Variants in CAMKMT observed in about 807,000 individuals in gnomAD.
CAMKMT encodes CaM KMT.
Under a neutral mutation model 48.0 loss-of-function variants are expected in CAMKMT, and 53 were observed. The observed-to-expected ratio is 1.10, with a 90% CI of 0.89 to 1.39. The LOEUF (loss-of-function observed/expected upper bound fraction) is 1.39, where lower values mean the gene tolerates loss of function less well. Ranked by LOEUF, CAMKMT falls within the 40% of genes most tolerant of loss-of-function variation. The pLI is 0.00. For synonymous variants in CAMKMT, 165 were observed against 152.3 expected (o/e 1.08, Z -0.61); for missense variants, 428 against 402.7 (o/e 1.06, Z -0.54).
chr2:44,451,087 C>A (rs1667263034), intron 3 of CAMKMT, among the ~76,000 whole-genome samples: 1 of 152,062 alleles, frequency 6.6e-6, no homozygotes, highest in Non-Finnish European at 1.5e-5. Flanking sequence ...AATTTTAAAT[C>A]TAATTTCCCA....
At chr2:44,412,183 C>T (rs1056967454) in intron 3 of CAMKMT, among the ~76,000 whole-genome samples, 12 of 152,016 alleles carry the variant, frequency 7.9e-5, no homozygotes, top group African/African-American at 2.7e-4. Context: ...AGTGATAACC[C>T]ACAAAGAGTC....
intron 3 of CAMKMT, among the ~76,000 whole-genome samples, chr2:44,474,112 C>A (rs1057488648): frequency 3.3e-5 from 5 of 152,088 alleles, no homozygotes; most frequent in African/African-American, 4.8e-5. Flanking sequence ...CACAGTTCTT[C>A]TTTGGAATTG....
At chr2:44,601,100 T>G (rs56736981) in intron 3 of CAMKMT, among the ~76,000 whole-genome samples, 6,796 of 152,196 alleles carry the variant, frequency 0.045, 201 homozygotes, top group Non-Finnish European at 0.064. Flanking sequence ...ATAACCAATA[T>G]CAGTTAAAAA....
chr2:44,703,310 T>C (rs1215220933), intron 3 of CAMKMT, among the ~76,000 whole-genome samples: 1 of 152,172 alleles, frequency 6.6e-6, no homozygotes, highest in Non-Finnish European at 1.5e-5. Context: ...GCAATTCATA[T>C]CCATTCATGA....
At position 44,366,445 on chromosome 2, in the gene CAMKMT, T is replaced by A. The variant is rs112131017; in HGVS notation, c.138+4300T>A. ...CTTGACTTTGTTTTATATGCTTACT[T>A]TTGCTTTCTCTTTTTCTTCATAAAT... is the stretch of plus-strand genomic sequence containing the variant. On this transcript the variant is annotated intron_variant, in intron 1 of 10. Transcript: ENST00000378494. 3.2e-3 allele frequency among the ~76,000 whole-genome samples: 490 copies of A among 152,318 alleles called. 2 individuals are homozygous for A. The highest frequency in any genetic ancestry group is 0.027 in the Middle Eastern group (8 of 294).
intron 1 of CAMKMT, among the ~76,000 whole-genome samples, chr2:44,371,827 C>G (rs1393973676): frequency 6.6e-6 from 1 of 152,072 alleles, no homozygotes; most frequent in African/African-American, 2.4e-5. Flanking sequence ...CATGAAATAT[C>G]TGATCAGTTT....
chr2:44,725,613 C>T (rs575141718), intron 7 of CAMKMT, among the ~76,000 whole-genome samples: 7 of 152,080 alleles, frequency 4.6e-5, no homozygotes, highest in East Asian at 3.9e-4. Flanking sequence ...TTAAAGATAA[C>T]GAAAGGAAAG....
intron 3 of CAMKMT, among the ~76,000 whole-genome samples, chr2:44,462,226 A>G (rs1179121012): frequency 6.6e-6 from 1 of 152,224 alleles, no homozygotes; most frequent in Non-Finnish European, 1.5e-5. Flanking sequence ...GAAAAGGGTA[A>G]TAAAGTAAAA....
intron 3 of CAMKMT, among the ~76,000 whole-genome samples, chr2:44,663,323 TTGG>T (rs1373856664): frequency 6.6e-6 from 1 of 152,202 alleles, no homozygotes. Flanking sequence ...CCTTCAAAAA[TTGG>T]ATAGTAGCTG....
chr2:44,526,832 A>G (rs562052375), intron 3 of CAMKMT, among the ~76,000 whole-genome samples: 40 of 152,270 alleles, frequency 2.6e-4, no homozygotes, highest in African/African-American at 9.4e-4. Context: ...AAAATTAACT[A>G]TTACAAAAGC....
chr2:44,661,138 C>T (rs899328103), intron 3 of CAMKMT, among the ~76,000 whole-genome samples: 4 of 151,964 alleles, frequency 2.6e-5, no homozygotes, highest in Admixed American at 2.0e-4. Flanking sequence ...TAGAACAAAT[C>T]GATTTCTCTT....
chr2:44,669,216 G>C (rs1170196299), intron 3 of CAMKMT, among the ~76,000 whole-genome samples: 3 of 152,074 alleles, frequency 2.0e-5, no homozygotes, highest in African/African-American at 7.2e-5. Context: ...TCTGTGAATT[G>C]CTTATGTTGC....
chr2:44,729,108 T>C (rs1678950166), intron 7 of CAMKMT, among the ~76,000 whole-genome samples: 2 of 151,664 alleles, frequency 1.3e-5, no homozygotes, highest in Non-Finnish European at 2.9e-5. Flanking sequence ...GGTGAGCAAA[T>C]ACGGGGTCAT....
At chr2:44,740,792 G>A (rs988724082) in intron 7 of CAMKMT, among the ~76,000 whole-genome samples, 53 of 152,148 alleles carry the variant, frequency 3.5e-4, no homozygotes, top group Non-Finnish European at 8.8e-5. Flanking sequence ...TAATTACAAT[G>A]ATAAGTCATG....
At chr2:44,433,755 G>A (rs1159602889) in intron 3 of CAMKMT, among the ~76,000 whole-genome samples, 3 of 152,150 alleles carry the variant, frequency 2.0e-5, no homozygotes, top group African/African-American at 4.8e-5. Flanking sequence ...ATGCAAGTAA[G>A]TGCTTTTGAG....
intron 3 of CAMKMT, among the ~76,000 whole-genome samples, chr2:44,432,309 T>C (rs1684698321): frequency 6.6e-6 from 1 of 152,124 alleles, no homozygotes; most frequent in Non-Finnish European, 1.5e-5. Flanking sequence ...GCCCATCCCC[T>C]GACTCTCCTG....
rs933615861 is a variant in CAMKMT, at chr2:44,593,531, C to G, written c.377-110752C>G. Among the ~76,000 whole-genome samples the G allele has an allele frequency of 2.0e-5, 3 of 152,174 alleles. No individual in the cohort carries two copies. In the South Asian group the frequency reaches 6.2e-4, roughly 32 times the overall value. ...GGTTCCCTGTCCCAATGCCACAGCC[C>G]GGAATCTCTCTTAAACTTGAGATAA... On this transcript the variant is annotated intron_variant, in intron 3 of 10. Coordinates refer to ENST00000378494, the MANE Select transcript of CAMKMT (RefSeq NM_024766.5).
chr2:44,750,446 C>T (rs533449310), intron 8 of CAMKMT, among the ~76,000 whole-genome samples: 9 of 152,212 alleles, frequency 5.9e-5, no homozygotes, highest in African/African-American at 1.9e-4. Context: ...TTTGAGCCAC[C>T]GTGCCCTGTC....
chr2:44,590,148 A>G (rs1487243628), intron 3 of CAMKMT, among the ~76,000 whole-genome samples: 2 of 151,940 alleles, frequency 1.3e-5, no homozygotes, highest in Non-Finnish European at 2.9e-5. Context: ...TGCATTGGCT[A>G]GAACCTCTAG....
Sources: gnomAD v4.1 joint callset for allele counts (sites outside exome capture counted in the v4.1 genomes callset) on GRCh38, gnomAD v4.1.1 for gene constraint, MANE v1.5 for transcripts, NCBI Gene and HGNC (gene_info 2026-07-23, HGNC 2026-07-21) for gene names.